THSD4: variants seen among roughly 807,000 people sequenced by gnomAD.
THSD4 encodes thrombospondin type 1 domain containing 4, also known as thrombospondin type-1 domain-containing protein 4.
A neutral mutation model predicts 119.0 loss-of-function variants in THSD4; 69 were observed. The ratio of observed to expected loss-of-function variants is 0.58; its 90% CI spans 0.48 to 0.71. The LOEUF (loss-of-function observed/expected upper bound fraction) is 0.71, where lower values mean the gene tolerates loss of function less well. THSD4 is among the 30% of genes least tolerant of loss of function. The pLI, the probability that THSD4 is intolerant of heterozygous loss-of-function variation, is 0.00. For synonymous variants in THSD4, 524 were observed against 540.4 expected, an observed-to-expected ratio of 0.97 and a Z score of 0.42; for missense variants, 1,393 against 1,391.1, an observed-to-expected ratio of 1.00 and a Z score of -0.02.
At chr15:71,098,055 A>G (rs2040238720) in intron 1 of THSD4, among the ~76,000 whole-genome samples, 1 of 152,044 alleles carries the variant, frequency 6.6e-6, no homozygotes, top group South Asian at 2.1e-4. Flanking sequence ...TTTCAAAGAG[A>G]AATTGTTTCT....
intron 7 of THSD4, among the ~76,000 whole-genome samples, chr15:71,459,425 G>A (rs1243569123): frequency 9.1e-5 from 12 of 131,668 alleles, no homozygotes; most frequent in Admixed American, 8.5e-4. Flanking sequence ...TCTCTCTCTC[G>A]TCAACATGCT....
At chr15:71,453,130 C>A (rs1448250599) in intron 7 of THSD4, among the ~76,000 whole-genome samples, 1 of 152,202 alleles carries the variant, frequency 6.6e-6, no homozygotes, top group Admixed American at 6.5e-5. Context: ...CTGGGACTTC[C>A]AGCCTCTAGG....
intron 7 of THSD4, among the ~76,000 whole-genome samples, chr15:71,568,787 G>C (rs140895839): frequency 1.2e-4 from 19 of 152,020 alleles, no homozygotes; most frequent in African/African-American, 4.3e-4. Context: ...TCCCCTTCCT[G>C]TGTCCAAGTG....
At position 71,765,188 on chromosome 15, in the gene THSD4, G is replaced by C; in HGVS notation, c.2758G>C (p.Glu920Gln). 6.2e-7 allele frequency: 1 copy of C among 1,613,872 alleles called. No individual in the cohort carries two copies. Among genetic ancestry groups the C allele is most frequent in the African/African-American group, 1.3e-5 (1 of 75,028 alleles). ...TTGCGGAGCCAAATGGTTTAGCACC[G>C]AATGGAGCATGGTAAGTCATGGTGC... ...KPCGAKWFST[E>Q]WSMCSKSCQG... The change falls in exon 16 of 18, where the codon GAA becomes CAA. Residue 920 changes from glutamate (E) to glutamine (Q), a missense_variant. By Grantham distance (29) the Glu-to-Gln change is conservative (BLOSUM62 2). Coordinates refer to ENST00000261862, the MANE Select transcript of THSD4 (RefSeq NM_024817.3).
chr15:71,530,808 A>G (rs904957540), intron 7 of THSD4, among the ~76,000 whole-genome samples: 24 of 151,826 alleles, frequency 1.6e-4, no homozygotes, highest in African/African-American at 5.8e-4. Context: ...GCCCCCGAAA[A>G]AAAAAATCTT....
chr15:71,764,161 A>G (rs1408737102), intron 15 of THSD4, among the ~76,000 whole-genome samples: 1 of 152,188 alleles, frequency 6.6e-6, no homozygotes, highest in Non-Finnish European at 1.5e-5. Context: ...TGAGAGGACC[A>G]CTTGAGCTCA....
Position 71,115,798 on chromosome 15 carries a change from G to C in THSD4, c.-80+100G>C, listed in dbSNP as rs977978401. 5 of 150,476 alleles carry C rather than the reference G, an allele frequency of 3.3e-5. No homozygotes were observed. Among genetic ancestry groups the C allele is most frequent in the Admixed American group, 2.6e-4 (4 of 15,122 alleles). The allele number at this position is 150,476 out of a possible 1,614,324, so 9.3% of individuals were successfully genotyped here. On this transcript the variant is annotated intron_variant, in intron 1 of 17. Coordinates refer to ENST00000261862, the MANE Select transcript of THSD4 (RefSeq NM_024817.3). This position sits in a 1 kb window ranked among gnomAD's most constrained non-coding sequence, Gnocchi z 4.4. ...TCCGGCTCCCGCTCTCTGGCCGGCG[G>C]GGCGGGCTGGCGCGGGCTACCCAGT...
chr15:71,739,884 G>A (rs1204535784), intron 11 of THSD4, among the ~76,000 whole-genome samples: 1 of 149,556 alleles, frequency 6.7e-6, no homozygotes, highest in African/African-American at 2.5e-5. Flanking sequence ...GTATCTAAGA[G>A]TACAAAGTTT....
intron 5 of THSD4, among the ~76,000 whole-genome samples, chr15:71,246,396 T>C (rs2044201570): frequency 6.6e-6 from 1 of 152,136 alleles, no homozygotes; most frequent in African/African-American, 2.4e-5. Context: ...TTGCTCAGAG[T>C]CATCCTCAGT....
At chr15:71,203,500 C>CAA (rs34386939) in intron 3 of THSD4, among the ~76,000 whole-genome samples, 5 of 151,018 alleles carry the variant, frequency 3.3e-5, no homozygotes, top group South Asian at 2.1e-4. Flanking sequence ...ACCAAAAATA[C>CAA]AAAAAAAAAT....
At chr15:71,336,165 G>C (rs565054808) in intron 6 of THSD4, among the ~76,000 whole-genome samples, 1 of 152,200 alleles carries the variant, frequency 6.6e-6, no homozygotes, top group Admixed American at 6.5e-5. Flanking sequence ...AAATGCTCAA[G>C]CTTCTAGAAT....
intron 6 of THSD4, among the ~76,000 whole-genome samples, chr15:71,365,244 A>G (rs1426257623): frequency 1.3e-5 from 2 of 151,554 alleles, no homozygotes; most frequent in Admixed American, 6.6e-5. Context: ...TGACTAAAGG[A>G]CTTTGCATGA....
intron 5 of THSD4, among the ~76,000 whole-genome samples, chr15:71,245,110 G>C (rs1266482487): frequency 6.6e-6 from 1 of 152,280 alleles, no homozygotes; most frequent in African/African-American, 2.4e-5. Context: ...GGAAATTCTC[G>C]TGAGGTCATG....
intron 4 of THSD4, among the ~76,000 whole-genome samples, chr15:71,239,245 C>A (rs1045517548): frequency 2.0e-5 from 3 of 152,126 alleles, no homozygotes; most frequent in African/African-American, 4.8e-5. Context: ...TGGAGTGCAG[C>A]TAGGGAGGTT....
At chr15:71,433,753 T>TGGGCCAGGAATGATG (rs1315284927) in intron 7 of THSD4, among the ~76,000 whole-genome samples, 3 of 152,102 alleles carry the variant, frequency 2.0e-5, no homozygotes, top group Non-Finnish European at 4.4e-5. Flanking sequence ...GAGACAGAGT[T>TGGGCCAGGAATGATG]GGGCCAGGAA....
At chr15:71,589,369 T>C (rs1567050690) in intron 7 of THSD4, among the ~76,000 whole-genome samples, 1 of 130,684 alleles carries the variant, frequency 7.7e-6, no homozygotes, top group East Asian at 2.1e-4. Context: ...TATTTTTTTA[T>C]TTATTGGAGA....
intron 8 of THSD4, among the ~76,000 whole-genome samples, chr15:71,681,601 G>A (rs186951656): frequency 2.2e-4 from 33 of 151,888 alleles, no homozygotes; most frequent in African/African-American, 6.5e-4. Context: ...ATTGAACCGG[G>A]GGGGTGGAGG....
chr15:71,187,037 T>C (rs559984461), intron 3 of THSD4: 3 of 152,348 alleles, frequency 2.0e-5, no homozygotes, highest in South Asian at 4.1e-4. Context: ...ACATAGGGCA[T>C]GCCTAGTGGA....
At chr15:71,446,608 A>G (rs2047184721) in intron 7 of THSD4, among the ~76,000 whole-genome samples, 1 of 152,230 alleles carries the variant, frequency 6.6e-6, no homozygotes, top group Non-Finnish European at 1.5e-5. Flanking sequence ...AGAAAATCCA[A>G]TGCAAAGGCT....
Sources: gnomAD v4.1 joint callset for allele counts (sites outside exome capture counted in the v4.1 genomes callset) on GRCh38, gnomAD v4.1.1 for gene constraint, Gnocchi (gnomAD v3.1) non-coding constraint, MANE v1.5 for transcripts, NCBI Gene and HGNC (gene_info 2026-07-23, HGNC 2026-07-21) for gene names.